Variants in CAMK1D observed in about 807,000 individuals in gnomAD.
The protein encoded by CAMK1D is calcium/calmodulin dependent protein kinase ID.
CAMK1D carries 9 observed loss-of-function variants against 47.7 expected under a neutral mutation model. That is an observed-to-expected ratio of 0.19 (90% confidence interval 0.11 to 0.33). The LOEUF (loss-of-function observed/expected upper bound fraction) is 0.33. Ranked by LOEUF, CAMK1D falls within the 10% of genes least tolerant of loss-of-function variation. The pLI, the probability that CAMK1D is intolerant of heterozygous loss-of-function variation, is 1.00. For synonymous variants in CAMK1D, 184 were observed against 184.9 expected (o/e 0.99, Z 0.04); for missense variants, 291 against 488.7 (o/e 0.60, Z 3.81).
intron 1 of CAMK1D, among the ~76,000 whole-genome samples, chr10:12,435,212 ACT>A (rs1284812550): frequency 7.7e-6 from 1 of 129,080 alleles, no homozygotes; most frequent in African/African-American, 2.9e-5. Flanking sequence ...GAGGAGTGAA[ACT>A]CTGTCTCAAA....
chr10:12,402,250 T>C (rs1839254629), intron 1 of CAMK1D, among the ~76,000 whole-genome samples: 1 of 152,022 alleles, frequency 6.6e-6, no homozygotes, highest in Non-Finnish European at 1.5e-5. Flanking sequence ...CTGCCATTTT[T>C]TGAGACAGCA....
chr10:12,532,655 A>C (rs1835846840), intron 1 of CAMK1D, among the ~76,000 whole-genome samples: 1 of 152,196 alleles, frequency 6.6e-6, no homozygotes. Flanking sequence ...TGTTAGTTGC[A>C]GCACTGTTTG....
intron 1 of CAMK1D, among the ~76,000 whole-genome samples, chr10:12,480,756 C>T (rs2132097783): frequency 6.6e-6 from 1 of 152,182 alleles, no homozygotes; most frequent in East Asian, 1.9e-4. Flanking sequence ...GCCCATGCAC[C>T]CAACTGCTAG....
intron 1 of CAMK1D, among the ~76,000 whole-genome samples, chr10:12,552,389 C>A (rs1023472907): frequency 6.6e-6 from 1 of 152,216 alleles, no homozygotes; most frequent in Non-Finnish European, 1.5e-5. Context: ...TGTGTCTGTA[C>A]CACCTGCAAT....
chr10:12,578,515 A>G (rs1244613815), intron 2 of CAMK1D, among the ~76,000 whole-genome samples: 1 of 148,758 alleles, frequency 6.7e-6, no homozygotes. Context: ...GGTTGCTATG[A>G]GCCGAGATCG....
intron 1 of CAMK1D, among the ~76,000 whole-genome samples, chr10:12,409,530 C>T (rs529836822): frequency 3.3e-5 from 5 of 152,222 alleles, no homozygotes; most frequent in Non-Finnish European, 5.9e-5. Flanking sequence ...GCCATTCTTC[C>T]GCCTTGGCGT....
At chr10:12,655,038 G>A (rs1215582446) in intron 2 of CAMK1D, among the ~76,000 whole-genome samples, 1 of 152,206 alleles carries the variant, frequency 6.6e-6, no homozygotes, top group Non-Finnish European at 1.5e-5. Flanking sequence ...CTGAGCTTGA[G>A]ACCCATTGGA....
chr10:12,453,939 C>T (rs1393401359), intron 1 of CAMK1D, among the ~76,000 whole-genome samples: 21 of 152,074 alleles, frequency 1.4e-4, no homozygotes, highest in Admixed American at 1.4e-3. Flanking sequence ...ATGATCGTAT[C>T]CTCTCTCTGT....
chr10:12,648,202 G>A (rs913716062), intron 2 of CAMK1D, among the ~76,000 whole-genome samples: 5 of 152,190 alleles, frequency 3.3e-5, no homozygotes, highest in African/African-American at 7.2e-5. Flanking sequence ...CTAAGAGTTC[G>A]TGGGGCACTC....
At chr10:12,730,742 G>A (rs1834848700) in intron 3 of CAMK1D, among the ~76,000 whole-genome samples, 1 of 152,180 alleles carries the variant, frequency 6.6e-6, no homozygotes, top group Admixed American at 6.5e-5. Context: ...CGAGAAGGTG[G>A]TTTAGGGAGG....
intron 1 of CAMK1D, among the ~76,000 whole-genome samples, chr10:12,446,479 G>C (rs1832928984): frequency 6.6e-6 from 1 of 152,150 alleles, no homozygotes; most frequent in Non-Finnish European, 1.5e-5. Context: ...CTTTACCGCA[G>C]CCTGTTTTAT....
At chr10:12,734,022 G>A (rs1835016241) in intron 3 of CAMK1D, among the ~76,000 whole-genome samples, 2 of 149,796 alleles carry the variant, frequency 1.3e-5, no homozygotes, top group East Asian at 1.9e-4. Flanking sequence ...CCTGAGCAGT[G>A]GTTTGTGTTA....
chr10:12,532,542 GT>G (rs536185894), intron 1 of CAMK1D, among the ~76,000 whole-genome samples: 476 of 152,312 alleles, frequency 3.1e-3, no homozygotes, highest in African/African-American at 0.011. Context: ...GCCTCCCAAA[GT>G]GCTGGGATTA....
chr10:12,566,715 G>T (rs184104183), intron 2 of CAMK1D, among the ~76,000 whole-genome samples: 1 of 152,298 alleles, frequency 6.6e-6, no homozygotes, highest in East Asian at 1.9e-4. Context: ...TACTTGCAGA[G>T]CCTCTTTCAG....
intron 5 of CAMK1D, among the ~76,000 whole-genome samples, chr10:12,776,864 C>T (rs752268714): frequency 6.6e-6 from 1 of 152,176 alleles, no homozygotes; most frequent in Non-Finnish European, 1.5e-5. Context: ...AAAAGACCCT[C>T]GTTTACAGTC....
chr10:12,382,150 T>A (rs1475618015), intron 1 of CAMK1D, among the ~76,000 whole-genome samples: 1 of 152,206 alleles, frequency 6.6e-6, no homozygotes, highest in Non-Finnish European at 1.5e-5. Context: ...AAGAACTGAC[T>A]GGACATTAAG....
intron 1 of CAMK1D, among the ~76,000 whole-genome samples, chr10:12,527,773 A>G (rs1365777493): frequency 6.6e-6 from 1 of 152,250 alleles, no homozygotes; most frequent in African/African-American, 2.4e-5. Context: ...CTTCACTGTC[A>G]ATCTCTCTGA....
At chr10:12,607,228 C>T (rs1325273514) in intron 2 of CAMK1D, among the ~76,000 whole-genome samples, 1 of 152,196 alleles carries the variant, frequency 6.6e-6, no homozygotes, top group African/African-American at 2.4e-5. Flanking sequence ...CCCTTCCGGC[C>T]TCCCTCCCTT....
chr10:12,819,260 G>A (rs1270208085), intron 8 of CAMK1D, among the ~76,000 whole-genome samples: 1 of 152,234 alleles, frequency 6.6e-6, no homozygotes, highest in Non-Finnish European at 1.5e-5. Flanking sequence ...AGGCCAGCGG[G>A]AAGAGGAGGG....
Sources: allele counts gnomAD v4.1 joint callset (sites outside exome capture counted in the v4.1 genomes callset), GRCh38; gene constraint gnomAD v4.1.1; transcripts MANE v1.5; gene names NCBI Gene and HGNC (gene_info 2026-07-23, HGNC 2026-07-21).